Variants in MKLN1 observed in about 807,000 individuals in gnomAD.
MKLN1 encodes muskelin 1.
MKLN1 carries 18 observed loss-of-function variants against 99.0 expected under a neutral mutation model. That is an observed-to-expected ratio of 0.18 (90% CI 0.13 to 0.27). The LOEUF (loss-of-function observed/expected upper bound fraction) is 0.27. Ranked by LOEUF, MKLN1 falls within the 10% of genes least tolerant of loss-of-function variation. The probability of loss-of-function intolerance (pLI) is 1.00; values close to 1 mark genes in which losing one functional copy is unlikely to be tolerated. For synonymous variants in MKLN1, 288 were observed against 293.2 expected, an observed-to-expected ratio of 0.98 and a Z score of 0.18; for missense variants, 621 against 875.9, an observed-to-expected ratio of 0.71 and a Z score of 3.67.
At chr7:131,426,818 G>T (rs1345856445) in intron 8 of MKLN1, among the ~76,000 whole-genome samples, 1 of 151,550 alleles carries the variant, frequency 6.6e-6, no homozygotes, top group Non-Finnish European at 1.5e-5. Flanking sequence ...GCAGTGGTGC[G>T]ATCTCAGCTC....
chr7:131,257,355 C>T (rs779259830), intron 3 of MKLN1, among the ~76,000 whole-genome samples: 9 of 152,068 alleles, frequency 5.9e-5, no homozygotes, highest in Admixed American at 5.2e-4. Context: ...TGACACATTC[C>T]TAAATAAACA....
chr7:131,116,290 A>G (rs1338650814), intron 1 of MKLN1, among the ~76,000 whole-genome samples: 2 of 152,074 alleles, frequency 1.3e-5, no homozygotes, highest in African/African-American at 4.8e-5. Context: ...TGTAATTGGA[A>G]TGGCTAGTGG....
At chr7:131,478,743 C>T in intron 17 of MKLN1, 66 bp downstream of exon 17, 1 of 1,553,542 alleles carries the variant, frequency 6.4e-7, no homozygotes, top group Non-Finnish European at 8.8e-7. Context: ...ATTTTGGTTT[C>T]TTTTACGTGA....
chr7:131,144,260 G>A (rs1018457932), intron 2 of MKLN1, among the ~76,000 whole-genome samples: 14 of 151,928 alleles, frequency 9.2e-5, no homozygotes, highest in African/African-American at 3.1e-4. Context: ...AGGCTGAGGC[G>A]GGCGGATCAT....
chr7:131,185,104 C>T (rs889533090), intron 2 of MKLN1, among the ~76,000 whole-genome samples: 1 of 151,942 alleles, frequency 6.6e-6, no homozygotes, highest in Admixed American at 6.6e-5. Flanking sequence ...CAGAATGCAC[C>T]GTAATGCTCT....
chr7:131,455,625 G>GTTAA (rs999993537), intron 12 of MKLN1, among the ~76,000 whole-genome samples: 1 of 152,094 alleles, frequency 6.6e-6, no homozygotes, highest in Admixed American at 6.6e-5. Flanking sequence ...ACTGGTTAAG[G>GTTAA]TTAAAGACTG....
intron 3 of MKLN1, among the ~76,000 whole-genome samples, chr7:131,308,005 C>T (rs1436676515): frequency 1.3e-5 from 2 of 152,148 alleles, no homozygotes; most frequent in Non-Finnish European, 2.9e-5. Flanking sequence ...GAGGGACCTG[C>T]TGGGAGGTGA....
At chr7:131,374,471 G>A (rs1385253886) in intron 1 of MKLN1, among the ~76,000 whole-genome samples, 1 of 151,960 alleles carries the variant, frequency 6.6e-6, no homozygotes, top group South Asian at 2.1e-4. Context: ...TCTGCCCTCC[G>A]TCCCCTTGCC....
At chr7:131,424,141 A>G (rs947913246) in intron 8 of MKLN1, among the ~76,000 whole-genome samples, 11 of 152,200 alleles carry the variant, frequency 7.2e-5, no homozygotes, top group African/African-American at 2.7e-4. Flanking sequence ...CTTCACTTTT[A>G]GAAGCATTCA....
chr7:131,447,565 G>T (rs1278618409), intron 12 of MKLN1, among the ~76,000 whole-genome samples: 1 of 152,056 alleles, frequency 6.6e-6, no homozygotes, highest in East Asian at 1.9e-4. Flanking sequence ...CAGGAGAGAG[G>T]TAATACTCCT....
chr7:131,138,463 A>G (rs114434255), intron 1 of MKLN1, among the ~76,000 whole-genome samples: 5,925 of 152,248 alleles, frequency 0.039, 108 homozygotes, highest in Middle Eastern at 0.075. Context: ...GGTCTCTTTC[A>G]TGCATAATTT....
chr7:131,170,879 T>C (rs1796204357), intron 2 of MKLN1, among the ~76,000 whole-genome samples: 1 of 152,218 alleles, frequency 6.6e-6, no homozygotes, highest in Admixed American at 6.5e-5. Flanking sequence ...TTTTAATTTT[T>C]CCCTGCATTG....
intron 12 of MKLN1, among the ~76,000 whole-genome samples, chr7:131,455,876 G>A (rs1796320835): frequency 6.6e-6 from 1 of 151,962 alleles, no homozygotes; most frequent in African/African-American, 2.4e-5. Context: ...TGAAACCCCG[G>A]CTGTACTAAA....
In MKLN1 at chr7:131,399,394, T is replaced by C. The variant is rs1053944916; in HGVS notation, c.664T>C (p.Phe222Leu). 10 of 1,613,906 alleles carry C rather than the reference T, an allele frequency of 6.2e-6. No individual in the cohort carries two copies. The highest frequency in any genetic ancestry group is 8.5e-6 in the Non-Finnish European group (10 of 1,179,904). Residue 222 changes from phenylalanine to leucine, a missense_variant, in exon 6 of 18, where the codon TTT becomes CTT. By Grantham distance (22) the Phe-to-Leu change is conservative (BLOSUM62 0). Transcript: ENST00000352689. ...IHDKLVLKGD[F>L]DACEELIEKA... ...TGACAAGCTGGTGTTGAAGGGTGAT[T>C]TTGATGCTTGCGAAGAGTTGATTGA...
chr7:131,219,517 C>T (rs1429348634), intron 3 of MKLN1, among the ~76,000 whole-genome samples: 3 of 151,988 alleles, frequency 2.0e-5, no homozygotes, highest in African/African-American at 7.3e-5. Flanking sequence ...ATATGCTTAT[C>T]TGAGTTCTTT....
At chr7:131,191,814 A>T (rs1317025620) in intron 2 of MKLN1, among the ~76,000 whole-genome samples, 1 of 150,024 alleles carries the variant, frequency 6.7e-6, no homozygotes, top group East Asian at 2.0e-4. Context: ...CCCAGCTTCA[A>T]GCAATTCTCA....
intron 15 of MKLN1, among the ~76,000 whole-genome samples, chr7:131,467,561 A>G (rs1317529599): frequency 6.6e-6 from 1 of 152,152 alleles, no homozygotes; most frequent in East Asian, 1.9e-4. Context: ...GATAGGTAAT[A>G]GTCAAGGCTC....
chr7:131,178,251 C>T lies in MKLN1; in HGVS notation c.-296-24606C>T, dbSNP rs564103202. Among the ~76,000 whole-genome samples, 1,280 of 139,916 alleles carry T rather than the reference C, an allele frequency of 9.1e-3. 12 individuals carry two copies. Among genetic ancestry groups the T allele is most frequent in the Middle Eastern group, 0.056 (15 of 266 alleles). The allele number at this position is 139,916 out of a possible 152,430, so 91.8% of individuals were successfully genotyped here. On this transcript the variant is annotated intron_variant, in intron 2 of 7. Transcript: ENST00000416992. ...CCTGCCTCAGCCTCTTGAGTAGCTG[C>T]GATTACAGGCGCCTGCCACATGCCC... is the stretch of plus-strand genomic sequence containing the variant.
chr7:131,247,763 A>G (rs1254357081), intron 3 of MKLN1, among the ~76,000 whole-genome samples: 3 of 152,240 alleles, frequency 2.0e-5, no homozygotes, highest in South Asian at 2.1e-4. Flanking sequence ...TTAGACTAGT[A>G]GTATTCCCAT....
Sources: gnomAD v4.1 joint callset for allele counts (sites outside exome capture counted in the v4.1 genomes callset) on GRCh38, gnomAD v4.1.1 for gene constraint, MANE v1.5 for transcripts, NCBI Gene and HGNC (gene_info 2026-07-23, HGNC 2026-07-21) for gene names.